The following ASB15 variants were observed in gnomAD, a reference collection of about 807,000 sequenced individuals.
ASB15 encodes ankyrin repeat and SOCS box containing 15, also known as ankyrin repeat and SOCS box protein 15.
ASB15 carries 54 observed loss-of-function variants against 58.0 expected under a neutral mutation model. That is an observed-to-expected ratio of 0.93 (90% CI 0.75 to 1.17). The LOEUF (loss-of-function observed/expected upper bound fraction) is 1.17, where lower values mean the gene tolerates loss of function less well. ASB15 is among the 50% of genes most tolerant of loss of function. The pLI is 0.00. For missense variants in ASB15, 680 were observed against 707.4 expected, an observed-to-expected ratio of 0.96 and a Z score of 0.44; for synonymous variants, 249 against 262.4, an observed-to-expected ratio of 0.95 and a Z score of 0.50.
chr7:123,629,574 G>A, intron 10 of ASB15, 140 bp downstream of exon 10: 1 of 715,324 alleles, frequency 1.4e-6, no homozygotes, highest in Non-Finnish European at 2.2e-6. Flanking sequence ...TGTATGCAAT[G>A]ATACAGGGAT....
intron 1 of ASB15, among the ~76,000 whole-genome samples, chr7:123,573,373 C>T (rs1198154616): frequency 6.7e-6 from 1 of 150,124 alleles, no homozygotes; most frequent in South Asian, 2.1e-4. Context: ...CTTCCCATCA[C>T]CTGACCCTCA....
At chr7:123,579,659 A>G (rs1043329035) in intron 1 of ASB15, among the ~76,000 whole-genome samples, 5 of 152,096 alleles carry the variant, frequency 3.3e-5, no homozygotes, top group Admixed American at 1.3e-4. Flanking sequence ...GCAAATCTAT[A>G]ACTCCTTCTG....
chr7:123,575,455 T>C (rs1407995096), intron 1 of ASB15, among the ~76,000 whole-genome samples: 1 of 152,138 alleles, frequency 6.6e-6, no homozygotes, highest in Non-Finnish European at 1.5e-5. Context: ...AATTAAATCA[T>C]ACACAATTAA....
intron 7 of ASB15, 54 bp from the exon 8 acceptor site, chr7:123,624,515 C>T (rs1801632875): frequency 4.6e-6 from 7 of 1,510,098 alleles, no homozygotes; most frequent in Non-Finnish European, 6.4e-6. Context: ...TTTAATACCA[C>T]CTAAGGTATT....
At chr7:123,631,482 C>A (rs189148267) in intron 11 of ASB15, among the ~76,000 whole-genome samples, 6 of 152,172 alleles carry the variant, frequency 3.9e-5, no homozygotes, top group Non-Finnish European at 5.9e-5. Context: ...AAATAAAAAG[C>A]TAAGCCTAAG....
rs10230055 is a variant in ASB15 at position 123,591,883 on chromosome 7, T to C, written c.-442-12149T>C. Among the ~76,000 whole-genome samples, 798 of 152,190 alleles carry C rather than the reference T, an allele frequency of 5.2e-3. 4 individuals carry two copies. Among genetic ancestry groups the C allele is most frequent in the African/African-American group, 0.018 (752 of 41,528 alleles). On this transcript the variant is annotated intron_variant, in intron 1 of 13. Coordinates refer to the ASB15 transcript ENST00000451558. ...AGTTTCAGAAGGAATGGTACCAGCT[T>C]TTCTTTGTACCTCTGGTAGAATTTG...
At chr7:123,583,893 C>G (rs1422061679) in intron 1 of ASB15, among the ~76,000 whole-genome samples, 1 of 151,978 alleles carries the variant, frequency 6.6e-6, no homozygotes, top group Non-Finnish European at 1.5e-5. Context: ...ATGGTCAGTT[C>G]TCTGTCCTCA....
intron 1 of ASB15, among the ~76,000 whole-genome samples, chr7:123,578,532 C>T (rs948529336): frequency 1.3e-5 from 2 of 151,996 alleles, no homozygotes; most frequent in Admixed American, 1.3e-4. Context: ...TCTGTGCAAG[C>T]TCAGTTAATT....
chr7:123,575,722 T>C (rs1353814652), intron 1 of ASB15, among the ~76,000 whole-genome samples: 1 of 152,024 alleles, frequency 6.6e-6, no homozygotes, highest in Non-Finnish European at 1.5e-5. Context: ...TTTACTTAAT[T>C]ATCTTGTAAG....
At position 123,637,117 on chromosome 7, in the gene ASB15, T is replaced by C; in HGVS notation, c.*136T>C. 3.5e-6 allele frequency: 2 copies of C among 575,826 alleles called. No individual in the cohort carries two copies. Among genetic ancestry groups the C allele is most frequent in the Non-Finnish European group, 5.9e-6 (2 of 339,984 alleles). The allele number at this position is 575,826 out of a possible 1,614,324, so 35.7% of individuals were successfully genotyped here. ...CAGTTTTATAGGTTATCATGTGTTC[T>C]TATGGGAACACCATGATTTATGTCT... is the stretch of plus-strand genomic sequence containing the variant. On this transcript the variant is annotated 3_prime_UTR_variant, in exon 12 of 12. Transcript: ENST00000451215.
chr7:123,623,949 A>T (rs1801563092), intron 7 of ASB15, among the ~76,000 whole-genome samples: 1 of 107,086 alleles, frequency 9.3e-6, no homozygotes, highest in Non-Finnish European at 2.2e-5. Flanking sequence ...GAAAGAAAGA[A>T]AGAAAGAAAG....
chr7:123,617,855 T>C lies in ASB15; in HGVS notation c.451+118T>C, dbSNP rs554046872. 5 of 1,014,888 alleles carry C rather than the reference T, an allele frequency of 4.9e-6. No homozygotes were observed. In the African/African-American group the frequency reaches 6.5e-5, roughly 13 times the overall value. The allele number at this position is 1,014,888 out of a possible 1,614,324, so 62.9% of individuals were successfully genotyped here. On this transcript the variant is annotated intron_variant, in intron 7 of 11. Transcript: ENST00000451215. ...CAGTTCCTTCCATTCCCTGAGCTAC[T>C]TGCCTAACCCCCATGTCTTCTGTCC...
rs533831904 is a variant in ASB15, at chr7:123,610,936, G to A, written c.-3+2282G>A. ...ATCTCTACTAAAAATACAAAAATTA[G>A]CCAGGCATGGTGGCCGGTGCCTATA... On this transcript the variant is annotated intron_variant, in intron 3 of 11. Transcript: ENST00000451215. Among the ~76,000 whole-genome samples the A allele has an allele frequency of 2.0e-5, 3 of 151,890 alleles. No individual in the cohort carries two copies. The South Asian group carries it at 6.2e-4, about 32-fold the overall frequency.
intron 7 of ASB15, chr7:123,620,254 T>C (rs1801148724): frequency 6.6e-6 from 1 of 151,912 alleles, no homozygotes; most frequent in Non-Finnish European, 1.5e-5. Flanking sequence ...CCAGGACATT[T>C]ATTGTCTACC....
intron 1 of ASB15, among the ~76,000 whole-genome samples, chr7:123,589,242 A>G (rs1041609189): frequency 4.0e-5 from 6 of 151,550 alleles, no homozygotes; most frequent in African/African-American, 1.5e-4. Context: ...TATAATTACA[A>G]TTGTTATTTT....
At chr7:123,630,676 A>C (rs1802072424) in intron 11 of ASB15, among the ~76,000 whole-genome samples, 1 of 152,322 alleles carries the variant, frequency 6.6e-6, no homozygotes, top group Non-Finnish European at 1.5e-5. Flanking sequence ...ATGAAAGTAC[A>C]TTTTTAAATA....
intron 2 of ASB15, among the ~76,000 whole-genome samples, chr7:123,607,393 G>A (rs1800201538): frequency 6.6e-6 from 1 of 152,082 alleles, no homozygotes; most frequent in African/African-American, 2.4e-5. Context: ...GGACATTTAT[G>A]TTGTTTCTAA....
chr7:123,587,597 A>T (rs1799411527), intron 1 of ASB15, among the ~76,000 whole-genome samples: 2 of 151,650 alleles, frequency 1.3e-5, no homozygotes, highest in Admixed American at 1.3e-4. Flanking sequence ...AGAAGTGACG[A>T]GAGAAGGCTT....
At chr7:123,567,977 A>T (rs1043692698) in intron 1 of ASB15, among the ~76,000 whole-genome samples, 1 of 152,156 alleles carries the variant, frequency 6.6e-6, no homozygotes, top group Non-Finnish European at 1.5e-5. Flanking sequence ...TATCTATAGT[A>T]TGAACACTTC....
Sources: allele counts gnomAD v4.1 joint callset (sites outside exome capture counted in the v4.1 genomes callset), GRCh38; gene constraint gnomAD v4.1.1; transcripts MANE v1.5; gene names NCBI Gene and HGNC (gene_info 2026-07-23, HGNC 2026-07-21).